Variants in RAI14 observed in about 807,000 individuals in gnomAD.
RAI14 encodes the protein retinoic acid induced 14.
A neutral mutation model predicts 115.4 loss-of-function variants in RAI14; 45 were observed. That is an observed-to-expected ratio of 0.39 (90% CI 0.31 to 0.50). The LOEUF is 0.50. Among genes scored for constraint, RAI14 ranks in the 20% least tolerant of loss-of-function variants. The pLI is 0.85. For synonymous variants in RAI14, 371 were observed against 415.4 expected, an observed-to-expected ratio of 0.89 and a Z score of 1.30; for missense variants, 939 against 1,131.2, an observed-to-expected ratio of 0.83 and a Z score of 2.44.
chr5:34,686,021 A>G (rs926821810), intron 1 of RAI14, among the ~76,000 whole-genome samples: 16 of 152,162 alleles, frequency 1.1e-4, no homozygotes, highest in African/African-American at 3.1e-4. Flanking sequence ...ATTTTTCACT[A>G]ACTGCCCTGT....
chr5:34,781,213 G>A (rs1206519033), intron 3 of RAI14, among the ~76,000 whole-genome samples: 1 of 131,302 alleles, frequency 7.6e-6, no homozygotes, highest in Non-Finnish European at 1.6e-5. Flanking sequence ...CACACACCGG[G>A]GTCTGTCGTG....
intron 8 of RAI14, 38 bp from the exon 9 acceptor site, chr5:34,811,718 ACTTTTTACATT>A: frequency 6.7e-7 from 1 of 1,490,144 alleles, no homozygotes; most frequent in Non-Finnish European, 9.1e-7. Flanking sequence ...CCCAAGAAAG[ACTTTTTACATT>A]CTCTTAGTAC....
intron 1 of RAI14, among the ~76,000 whole-genome samples, chr5:34,674,525 T>C (rs76921940): frequency 0.11 from 16,944 of 151,842 alleles, 2,604 homozygotes; most frequent in African/African-American, 0.35. Flanking sequence ...TCTAAAGATA[T>C]TTTTCATAAC....
In RAI14 at chr5:34,765,529, T is replaced by C. The variant is rs541777204; in HGVS notation, c.167+7931T>C. Among the ~76,000 whole-genome samples, 199 of 152,336 alleles carry C rather than the reference T, an allele frequency of 1.3e-3. 1 individual carries two copies. Among genetic ancestry groups the C allele is most frequent in the African/African-American group, 3.6e-3 (148 of 41,580 alleles). ...CCCCTGCCCTAGTGATTTGTGGAAA[T>C]TTGAACTTGAGAAAGATGATTTAGG... On this transcript the variant is annotated intron_variant, in intron 3 of 17. Transcript: ENST00000265109.
chr5:34,766,189 C>G (rs1300301927), intron 3 of RAI14, among the ~76,000 whole-genome samples: 2 of 152,168 alleles, frequency 1.3e-5, no homozygotes, highest in Non-Finnish European at 2.9e-5. Context: ...GATCCCCTCA[C>G]AGAGTCCCTA....
At chr5:34,806,736 G>A (rs768269411) in intron 5 of RAI14, among the ~76,000 whole-genome samples, 12 of 152,142 alleles carry the variant, frequency 7.9e-5, no homozygotes, top group Non-Finnish European at 1.8e-4. Context: ...TGGGGCACGG[G>A]GGAGGGGAAG....
chr5:34,812,456 G>A (rs1425804318), intron 10 of RAI14, among the ~76,000 whole-genome samples: 5 of 152,032 alleles, frequency 3.3e-5, no homozygotes, highest in African/African-American at 9.7e-5. Flanking sequence ...ACCTGAGGTC[G>A]GGAGTTCAAG....
rs746990586 is a variant in RAI14 at position 34,823,165 on chromosome 5, A to T, written c.1323A>T (p.Leu441=). 17 of 1,613,486 alleles carry T rather than the reference A, an allele frequency of 1.1e-5. No individual in the cohort carries two copies. The Admixed American group carries it at 2.7e-4, about 25-fold the overall frequency. ...IQQLQEILQD[L]QKRLESSEAE... Reference sequence around the variant, plus strand: ...AACTGCAAGAGATTTTGCAAGATCTACAGAAGAGATTAGAGAGCTCTGAAG... The same window carrying T: ...AACTGCAAGAGATTTTGCAAGATCTTCAGAAGAGATTAGAGAGCTCTGAAG... The change falls in exon 15 of 18, where the codon CTA becomes CTT. Residue 441 remains leucine (L), a synonymous_variant. Coordinates refer to ENST00000265109, the MANE Select transcript of RAI14 (RefSeq NM_015577.3). The surrounding 1 kb of genome is among the most constrained non-coding windows in gnomAD (Gnocchi z 4.5).
At chr5:34,704,044 A>G (rs144764070) in intron 2 of RAI14, among the ~76,000 whole-genome samples, 1 of 152,324 alleles carries the variant, frequency 6.6e-6, no homozygotes, top group African/African-American at 2.4e-5. Context: ...CCTAATCTGA[A>G]ATTCTGGAAG....
chr5:34,799,903 G>A (rs1265180296), intron 4 of RAI14, among the ~76,000 whole-genome samples: 2 of 152,110 alleles, frequency 1.3e-5, no homozygotes, highest in East Asian at 3.9e-4. Context: ...TAGCCAGGCT[G>A]GTCTTGATCT....
intron 2 of RAI14, among the ~76,000 whole-genome samples, chr5:34,730,310 A>T (rs1294844585): frequency 1.3e-5 from 2 of 152,192 alleles, no homozygotes. Flanking sequence ...AAAATAACCT[A>T]CATGTTAACA....
Position 34,686,889 on chromosome 5 carries a change from C to T in RAI14, c.-31C>T, listed in dbSNP as rs773321081. 25 of 1,612,642 alleles carry T rather than the reference C, an allele frequency of 1.6e-5. No individual in the cohort carries two copies. The highest frequency in any genetic ancestry group is 2.1e-5 in the Non-Finnish European group (25 of 1,179,134). ...CTGCTTAGGTGTTGAAAAGTCTCCT[C>T]TAGAGCTTTGGAAGGCTGAATGCAC... On this transcript the variant is annotated 5_prime_UTR_variant, in exon 2 of 18. Transcript: ENST00000265109.
chr5:34,683,754 G>A (rs1561233880), intron 1 of RAI14, among the ~76,000 whole-genome samples: 1 of 150,832 alleles, frequency 6.6e-6, no homozygotes, highest in African/African-American at 2.4e-5. Context: ...TTGAGATGGA[G>A]TCTCACTCTG....
At chr5:34,738,290 A>G (rs1015309618) in intron 2 of RAI14, among the ~76,000 whole-genome samples, 1 of 152,122 alleles carries the variant, frequency 6.6e-6, no homozygotes, top group African/African-American at 2.4e-5. Context: ...AAAACCCCAA[A>G]TATTTCTGTC....
At chr5:34,814,937 C>A (rs1216297587) in intron 12 of RAI14, among the ~76,000 whole-genome samples, 2 of 151,892 alleles carry the variant, frequency 1.3e-5, no homozygotes, top group Non-Finnish European at 2.9e-5. Context: ...AATTGATTTT[C>A]TTCATTTAAA....
intron 1 of RAI14, among the ~76,000 whole-genome samples, chr5:34,677,699 A>G (rs998510956): frequency 1.3e-5 from 2 of 152,112 alleles, no homozygotes; most frequent in African/African-American, 4.8e-5. Flanking sequence ...TTGGCCTCCC[A>G]AAGTGCTGGG....
At chr5:34,737,405 T>C (rs975550404) in intron 2 of RAI14, among the ~76,000 whole-genome samples, 5 of 152,142 alleles carry the variant, frequency 3.3e-5, no homozygotes, top group African/African-American at 9.7e-5. Flanking sequence ...TGGGTAATTA[T>C]GGAGTTATTG....
intron 1 of RAI14, among the ~76,000 whole-genome samples, chr5:34,672,116 A>G (rs1168729717): frequency 6.6e-6 from 1 of 152,140 alleles, no homozygotes; most frequent in African/African-American, 2.4e-5. Context: ...TTACAAATCC[A>G]TATCTCTACT....
At chr5:34,757,664 T>A in intron 3 of RAI14, 66 bp downstream of exon 3, 1 of 1,521,796 alleles carries the variant, frequency 6.6e-7, no homozygotes, top group Non-Finnish European at 8.8e-7. Flanking sequence ...CTGGAATCCT[T>A]AGTATCCATA....
Sources: allele counts gnomAD v4.1 joint callset (sites outside exome capture counted in the v4.1 genomes callset), GRCh38; gene constraint gnomAD v4.1.1; non-coding constraint Gnocchi (gnomAD v3.1); transcripts MANE v1.5; gene names NCBI Gene and HGNC (gene_info 2026-07-23, HGNC 2026-07-21).